UNC5D: variants seen among roughly 807,000 people sequenced by gnomAD.
The protein encoded by UNC5D is netrin receptor UNC5D.
Under a neutral mutation model 105.4 loss-of-function variants are expected in UNC5D, and 39 were observed. The observed-to-expected ratio is 0.37, with a 90% CI of 0.29 to 0.48. UNC5D has a LOEUF of 0.48. Among genes scored for constraint, UNC5D ranks in the 20% least tolerant of loss-of-function variants. UNC5D has a pLI of 0.98. For synonymous variants in UNC5D, 452 were observed against 450.4 expected, an observed-to-expected ratio of 1.00 and a Z score of -0.04; for missense variants, 991 against 1,202.4, an observed-to-expected ratio of 0.82 and a Z score of 2.60.
chr8:35,700,089 G>A, intron 7 of UNC5D, among the ~76,000 whole-genome samples: 1 of 152,202 alleles, frequency 6.6e-6, no homozygotes, highest in South Asian at 2.1e-4. Context: ...CAGACTTCAT[G>A]TTTGTCTAAT....
intron 1 of UNC5D, among the ~76,000 whole-genome samples, chr8:35,503,567 A>G (rs1295379598): frequency 2.6e-5 from 4 of 152,240 alleles, no homozygotes; most frequent in African/African-American, 7.2e-5. Flanking sequence ...GGCAAGTGTC[A>G]GGGAAAGGAT....
chr8:35,640,663 A>G (rs934866466), intron 4 of UNC5D, among the ~76,000 whole-genome samples: 1 of 152,158 alleles, frequency 6.6e-6, no homozygotes, highest in Non-Finnish European at 1.5e-5. Context: ...TCCTGATTTC[A>G]AATCACAATT....
In UNC5D at chr8:35,560,836, G is replaced by A. The variant is rs532053776; in HGVS notation, c.323-7262G>A. Among the ~76,000 whole-genome samples, 139 of 152,296 alleles carry A rather than the reference G, an allele frequency of 9.1e-4. 3 individuals carry two copies. The South Asian group carries it at 0.025, about 28-fold the overall frequency. On this transcript the variant is annotated intron_variant, in intron 2 of 16. Transcript: ENST00000404895. Reference sequence around the variant, plus strand: ...CACTTTGCTCTGCTGATCACATGGGGAGCCTCTGCTGGTAACTGGGCCATC... The same window carrying A: ...CACTTTGCTCTGCTGATCACATGGGAAGCCTCTGCTGGTAACTGGGCCATC...
intron 3 of UNC5D, among the ~76,000 whole-genome samples, chr8:35,592,047 C>A (rs1227429109): frequency 6.6e-6 from 1 of 152,180 alleles, no homozygotes; most frequent in Non-Finnish European, 1.5e-5. Context: ...AATTGGTGTA[C>A]TTGCTGTTTT....
At chr8:35,345,678 A>T (rs2069323) in intron 1 of UNC5D, among the ~76,000 whole-genome samples, 12,081 of 152,074 alleles carry the variant, frequency 0.079, 784 homozygotes, top group African/African-American at 0.18. Flanking sequence ...CTTTTATTTT[A>T]AATGTTCTGT....
chr8:35,731,323 C>T (rs923239281), intron 11 of UNC5D, among the ~76,000 whole-genome samples: 2 of 144,482 alleles, frequency 1.4e-5, no homozygotes, highest in African/African-American at 5.3e-5. Context: ...ATCGCTTGAA[C>T]CTGGAAGGCA....
chr8:35,755,540 G>C (rs1161624423), intron 13 of UNC5D, among the ~76,000 whole-genome samples: 1 of 151,970 alleles, frequency 6.6e-6, no homozygotes, highest in Non-Finnish European at 1.5e-5. Flanking sequence ...AATTTAGCCT[G>C]CTTGTTTTAG....
At chr8:35,454,314 G>C (rs1808349004) in intron 1 of UNC5D, among the ~76,000 whole-genome samples, 1 of 152,162 alleles carries the variant, frequency 6.6e-6, no homozygotes, top group Non-Finnish European at 1.5e-5. Context: ...ACCTCATGCA[G>C]AGATGCAGGA....
chr8:35,466,881 A>T (rs1408546549), intron 1 of UNC5D, among the ~76,000 whole-genome samples: 3 of 152,194 alleles, frequency 2.0e-5, no homozygotes, highest in Non-Finnish European at 4.4e-5. Context: ...TGTTTCTTTG[A>T]GCATGGTTGT....
At chr8:35,639,586 G>T (rs976299630) in intron 4 of UNC5D, among the ~76,000 whole-genome samples, 1 of 152,008 alleles carries the variant, frequency 6.6e-6, no homozygotes, top group African/African-American at 2.4e-5. Flanking sequence ...ATGGGAAACA[G>T]ATAATTACTA....
intron 1 of UNC5D, among the ~76,000 whole-genome samples, chr8:35,497,821 G>A (rs1811702819): frequency 6.6e-6 from 1 of 152,042 alleles, no homozygotes; most frequent in Admixed American, 6.5e-5. Context: ...TGTAATCCAA[G>A]ATCTTTGGGA....
chr8:35,590,757 A>G (rs1819115689), intron 3 of UNC5D, among the ~76,000 whole-genome samples: 1 of 152,188 alleles, frequency 6.6e-6, no homozygotes, highest in Non-Finnish European at 1.5e-5. Context: ...AAGCAGAAAC[A>G]TTGAGGATAC....
chr8:35,402,560 A>G (rs1470984912), intron 1 of UNC5D, among the ~76,000 whole-genome samples: 1 of 152,098 alleles, frequency 6.6e-6, no homozygotes, highest in Non-Finnish European at 1.5e-5. Context: ...ATCATCACCT[A>G]CATGAGAATT....
At chr8:35,587,397 A>G (rs1459807575) in intron 3 of UNC5D, among the ~76,000 whole-genome samples, 1 of 152,174 alleles carries the variant, frequency 6.6e-6, no homozygotes, top group East Asian at 1.9e-4. Flanking sequence ...TGCTTTTCCT[A>G]GTCATCTTAA....
intron 4 of UNC5D, among the ~76,000 whole-genome samples, chr8:35,622,216 C>G (rs2131033247): frequency 6.6e-6 from 1 of 152,240 alleles, no homozygotes; most frequent in South Asian, 2.1e-4. Context: ...GTGGTGCACA[C>G]CTTTAGTCCC....
At chr8:35,312,046 T>C (rs929929277) in intron 1 of UNC5D, among the ~76,000 whole-genome samples, 10 of 152,198 alleles carry the variant, frequency 6.6e-5, no homozygotes, top group Non-Finnish European at 1.2e-4. Flanking sequence ...CTCCATTCAA[T>C]CAGTATTTCA....
At chr8:35,712,838 C>T (rs1264554006) in intron 8 of UNC5D, among the ~76,000 whole-genome samples, 1 of 152,300 alleles carries the variant, frequency 6.6e-6, no homozygotes, top group South Asian at 2.1e-4. Context: ...CCTAAGCTAA[C>T]ATTAGGCTAC....
chr8:35,414,039 G>A (rs1418219176), intron 1 of UNC5D, among the ~76,000 whole-genome samples: 2 of 151,994 alleles, frequency 1.3e-5, no homozygotes, highest in African/African-American at 2.4e-5. Context: ...GTTTGTTTTT[G>A]TTTGTTTTTG....
At chr8:35,328,511 A>G (rs1452205676) in intron 1 of UNC5D, among the ~76,000 whole-genome samples, 2 of 152,202 alleles carry the variant, frequency 1.3e-5, no homozygotes, top group Non-Finnish European at 2.9e-5. Context: ...CCATCACGGC[A>G]TAGGCTAAAA....
Sources: allele counts gnomAD v4.1 joint callset (sites outside exome capture counted in the v4.1 genomes callset), GRCh38; gene constraint gnomAD v4.1.1; transcripts MANE v1.5; gene names NCBI Gene and HGNC (gene_info 2026-07-23, HGNC 2026-07-21).